SETD2: variants seen among roughly 807,000 people sequenced by gnomAD.
SETD2 encodes histone-lysine N-methyltransferase SETD2.
A neutral mutation model predicts 242.1 loss-of-function variants in SETD2; 31 were observed. The ratio of observed to expected loss-of-function variants is 0.13; its 90% confidence interval spans 0.10 to 0.17. The LOEUF (loss-of-function observed/expected upper bound fraction) is 0.17. Ranked by LOEUF, SETD2 falls within the 10% of genes least tolerant of loss-of-function variation. SETD2 has a pLI of 1.00. For missense variants in SETD2, 2,481 were observed against 3,046.3 expected (o/e 0.81, Z 4.37); for synonymous variants, 1,006 against 1,066.5 (o/e 0.94, Z 1.11).
At chr3:47,072,946 C>CAA (rs113329240) in intron 12 of SETD2, among the ~76,000 whole-genome samples, 3 of 78,074 alleles carry the variant, frequency 3.8e-5, no homozygotes, top group Non-Finnish European at 7.8e-5. Flanking sequence ...GACTCCATCT[C>CAA]AAAAAAAAAA....
intron 12 of SETD2, among the ~76,000 whole-genome samples, chr3:47,073,246 C>T (rs1405526594): frequency 6.6e-6 from 1 of 151,660 alleles, no homozygotes; most frequent in Admixed American, 6.6e-5. Flanking sequence ...AGTAGAAAAG[C>T]AAAGCTATGG....
At chr3:47,131,944 A>AT (rs1453905029) in intron 1 of SETD2, among the ~76,000 whole-genome samples, 1 of 151,174 alleles carries the variant, frequency 6.6e-6, no homozygotes, top group African/African-American at 2.4e-5. Context: ...TGCCCAGCTA[A>AT]TTTTTGTATT....
chr3:47,048,005 C>T (rs369193342), intron 15 of SETD2, among the ~76,000 whole-genome samples: 19 of 152,166 alleles, frequency 1.2e-4, no homozygotes, highest in Non-Finnish European at 2.6e-4. Flanking sequence ...ACCTGTACAG[C>T]ATGTTTCTGT....
chr3:47,152,272 T>C (rs1303381888), intron 1 of SETD2, among the ~76,000 whole-genome samples: 8 of 152,202 alleles, frequency 5.3e-5, no homozygotes, highest in Non-Finnish European at 1.2e-4. Flanking sequence ...CTTAACTACA[T>C]TTTCAGCACA....
At position 47,086,211 on chromosome 3, in the gene SETD2, T is replaced by C; in HGVS notation, c.5381A>G (p.Gln1794Arg). 1 of 1,612,946 alleles carries C rather than the reference T, an allele frequency of 6.2e-7. No individual in the cohort carries two copies. The highest frequency in any genetic ancestry group is 8.5e-7 in the Non-Finnish European group (1 of 1,179,192). ...TGAACTGACCTCTTCCTGAAGCTTCTGGTTACTTTCCCGGCCGTCACCTAG... is the reference window on the plus strand; with the variant it reads ...TGAACTGACCTCTTCCTGAAGCTTCCGGTTACTTTCCCGGCCGTCACCTAG... ...AELGDGRESN[Q>R]KLQEEIIKTL... The change falls in exon 11 of 21, where the codon CAG (glutamine) becomes CGG (arginine). Residue 1794 changes from glutamine (Q) to arginine (R), a missense_variant. Transcript: ENST00000409792.
rs766455577 is a variant in SETD2, at chr3:47,106,493, T to TAAAAAAAAAAAA, written c.4716-385_4716-374dup. ...CTGAAAAGTTAGAGGATTTTTGCTC[T>TAAAAAAAAAAAA]AAAAAAAAAAAAAAAAAAAAAAAAA... On this transcript the variant is annotated intron_variant, in intron 5 of 20. Transcript: ENST00000409792. Among the ~76,000 whole-genome samples, 22 of 57,262 alleles carry TAAAAAAAAAAAA rather than the reference T, an allele frequency of 3.8e-4. 3 individuals are homozygous for TAAAAAAAAAAAA. Among genetic ancestry groups the TAAAAAAAAAAAA allele is most frequent in the African/African-American group, 1.2e-3 (18 of 14,918 alleles). 37.6% of individuals were successfully genotyped at this position (57,262 alleles called of 152,430 possible). A position where few individuals can be genotyped will look rare whatever the true frequency, so the allele number is the denominator to read the frequency against.
At chr3:47,163,431 C>G (rs1697562832) in intron 1 of SETD2, 1 of 152,298 alleles carries the variant, frequency 6.6e-6, no homozygotes, top group African/African-American at 2.4e-5. Context: ...GGCCTACCCT[C>G]ACCGGCGCCC....
intron 18 of SETD2, among the ~76,000 whole-genome samples, chr3:47,024,546 G>A (rs149085658): frequency 9.9e-5 from 15 of 151,886 alleles, no homozygotes; most frequent in African/African-American, 2.7e-4. Context: ...CAGCTAATTC[G>A]GAGGCTGAGG....
In SETD2 at chr3:47,122,420, T is replaced by C. The variant is rs539008365; in HGVS notation, c.2216A>G (p.His739Arg). 9.3e-6 allele frequency: 15 copies of C among 1,614,188 alleles called. No individual in the cohort carries two copies. The highest frequency in any genetic ancestry group is 1.3e-5 in the Non-Finnish European group (15 of 1,180,018). ...TCTAAATGGGCTTTCTGACTTCTTA[T>C]GCAGCATGCAGGTATCATCCAAGTC... ...EKDLDDTCMLHKKSESPFRET... is the reference protein window; with the variant it reads ...EKDLDDTCMLRKKSESPFRET... The change falls in exon 3 of 21, where the codon CAT becomes CGT. Residue 739 changes from histidine (H) to arginine (R), a missense_variant. Physicochemically the swap from His to Arg is conservative, Grantham distance 29 (BLOSUM62 0). Around this residue, in one of 17 missense-constraint regions of SETD2, gnomAD observed 1,300 missense variants for 1,259.2 expected, o/e 1.03. Coordinates refer to ENST00000409792, the MANE Select transcript of SETD2 (RefSeq NM_014159.7).
chr3:47,117,720 G>A (rs2042919897), intron 3 of SETD2, among the ~76,000 whole-genome samples: 1 of 152,142 alleles, frequency 6.6e-6, no homozygotes, highest in South Asian at 2.1e-4. Context: ...GTTTAAGAGG[G>A]CTCAACTTTC....
In SETD2 at chr3:47,124,275, C is replaced by T. The variant is rs912089138; in HGVS notation, c.361G>A (p.Gly121Ser). The change falls in exon 3 of 21, where the codon GGT (glycine) becomes AGT (serine). Residue 121 changes from glycine to serine, a missense_variant. Gly to Ser is a moderately conservative substitution (Grantham distance 56, BLOSUM62 0). Transcript: ENST00000409792. ...TCTTCTGCAGTAGATAAGGTATCAC[C>T]AATTTCCATTTTCATTTTAGGAGTC... Reference protein sequence around the residue: ...DSTPKMKMEIGDTLSTAEESS... With the variant: ...DSTPKMKMEISDTLSTAEESS... 2 of 1,551,696 alleles carry T rather than the reference C, an allele frequency of 1.3e-6. No individual in the cohort carries two copies. The highest frequency in any genetic ancestry group is 2.7e-5 in the African/African-American group (2 of 73,148).
chr3:47,103,264 C>T (rs1391749151), intron 7 of SETD2, 82 bp downstream of exon 7: 3 of 873,130 alleles, frequency 3.4e-6, no homozygotes, highest in African/African-American at 3.3e-5. Flanking sequence ...TTCATGAGTA[C>T]CTTAGATATG....
At chr3:47,073,638 G>A (rs528982124) in intron 12 of SETD2, among the ~76,000 whole-genome samples, 10 of 152,222 alleles carry the variant, frequency 6.6e-5, no homozygotes, top group Middle Eastern at 3.4e-3. Flanking sequence ...GCAGGGCTCC[G>A]AAGAAATGAA....
intron 18 of SETD2, 100 bp downstream of exon 18, chr3:47,037,566 T>G (rs2039069845): frequency 2.3e-6 from 2 of 856,742 alleles, no homozygotes; most frequent in Non-Finnish European, 3.9e-6. Flanking sequence ...AGTCACTCAC[T>G]TATTTTTCAG....
chr3:47,072,531 G>A (rs796334031), intron 12 of SETD2, among the ~76,000 whole-genome samples: 1 of 151,854 alleles, frequency 6.6e-6, no homozygotes. Context: ...AAAAAAGACT[G>A]CAAGCAAGCC....
intron 15 of SETD2, among the ~76,000 whole-genome samples, chr3:47,056,012 CAAAAAAAAAAAA>C (rs1167181294): frequency 2.1e-3 from 83 of 39,548 alleles, no homozygotes; most frequent in African/African-American, 9.1e-3. Context: ...GACTCCGTCT[CAAAAAAAAAAAA>C]AAAAAAAAAA....
chr3:47,154,708 C>T (rs1032343337), intron 1 of SETD2, among the ~76,000 whole-genome samples: 1 of 151,864 alleles, frequency 6.6e-6, no homozygotes, highest in African/African-American at 2.4e-5. Context: ...AAAAACAAAA[C>T]ATTGGCCGGG....
chr3:47,136,387 G>A (rs1428678324), intron 1 of SETD2, among the ~76,000 whole-genome samples: 3 of 151,926 alleles, frequency 2.0e-5, no homozygotes, highest in African/African-American at 7.3e-5. Flanking sequence ...TTCCTTCTTG[G>A]AATACCATTC....
At chr3:47,111,719 T>C (rs1408373005) in intron 5 of SETD2, among the ~76,000 whole-genome samples, 2 of 150,624 alleles carry the variant, frequency 1.3e-5, no homozygotes, top group Non-Finnish European at 3.0e-5. Flanking sequence ...AAGGATAGAT[T>C]AATATCAACA....
Sources: gnomAD v4.1 joint callset for allele counts (sites outside exome capture counted in the v4.1 genomes callset) on GRCh38, gnomAD v4.1.1 for gene constraint, gnomAD v4.1.1 regional missense constraint, MANE v1.5 for transcripts, NCBI Gene and HGNC (gene_info 2026-07-23, HGNC 2026-07-21) for gene names.